The following CSMD1 variants were observed in gnomAD, a reference collection of about 807,000 sequenced individuals.
CSMD1 encodes CUB and sushi domain-containing protein 1.
Under a neutral mutation model 417.5 loss-of-function variants are expected in CSMD1, and 213 were observed. The observed-to-expected ratio is 0.51, with a 90% CI of 0.46 to 0.57. The LOEUF (loss-of-function observed/expected upper bound fraction) is 0.57. CSMD1 is among the 20% of genes least tolerant of loss of function. The pLI, the probability that CSMD1 is intolerant of heterozygous loss-of-function variation, is 0.00. For synonymous variants in CSMD1, 2,862 were observed against 1,736.8 expected (o/e 1.65, Z -16.11); for missense variants, 6,923 against 4,529.7 (o/e 1.53, Z -15.17).
chr8:2,966,723 T>C lies in CSMD1; in HGVS notation c.8947A>G (p.Thr2983Ala), dbSNP rs766971433. Residue 2983 changes from threonine (T) to alanine (A), a missense_variant, in exon 58 of 70, where the codon ACA becomes GCA. Transcript: ENST00000635120. ...CTGACAATCATTCCGTTGGTGGGTG[T>C]GCCAGGGTTGCCACAGGACACGGCT... is the stretch of plus-strand genomic sequence containing the variant. ...CEAVSCGNPG[T>A]PTNGMIVSSD... 6 of 1,613,478 alleles carry C rather than the reference T, an allele frequency of 3.7e-6. No individual in the cohort carries two copies. In the African/African-American group the frequency reaches 6.7e-5, roughly 18 times the overall value.
intron 1 of CSMD1, among the ~76,000 whole-genome samples, chr8:4,686,183 C>T (rs1322558555): frequency 6.6e-6 from 1 of 152,208 alleles, no homozygotes; most frequent in Non-Finnish European, 1.5e-5. Flanking sequence ...AAGGAACGTA[C>T]CCTTCTTTCA....
intron 2 of CSMD1, among the ~76,000 whole-genome samples, chr8:4,528,570 T>C (rs1162216206): frequency 2.6e-5 from 4 of 152,150 alleles, no homozygotes; most frequent in Non-Finnish European, 4.4e-5. Context: ...CTTATGTTAA[T>C]TATTTGTATC....
At chr8:4,079,076 G>T (rs1033800778) in intron 3 of CSMD1, among the ~76,000 whole-genome samples, 3 of 151,670 alleles carry the variant, frequency 2.0e-5, no homozygotes, top group African/African-American at 4.9e-5. Flanking sequence ...AACTTATACA[G>T]CTCATTACCA....
intron 5 of CSMD1, among the ~76,000 whole-genome samples, chr8:3,759,122 C>G (rs748202336): frequency 2.0e-5 from 3 of 152,160 alleles, no homozygotes; most frequent in African/African-American, 4.8e-5. Context: ...ATAATAAACA[C>G]GTGTTGGTTT....
At chr8:3,300,866 G>A (rs1563245270) in intron 25 of CSMD1, among the ~76,000 whole-genome samples, 1 of 149,084 alleles carries the variant, frequency 6.7e-6, no homozygotes. Flanking sequence ...CACTGAGGCA[G>A]GAGAATTGCT....
At chr8:4,459,072 C>G (rs1277983016) in intron 2 of CSMD1, among the ~76,000 whole-genome samples, 3 of 152,188 alleles carry the variant, frequency 2.0e-5, no homozygotes, top group African/African-American at 7.2e-5. Context: ...AAACTAGATT[C>G]TCTCTACCTG....
chr8:3,131,062 A>G (rs1486694133), intron 41 of CSMD1, among the ~76,000 whole-genome samples: 1 of 152,220 alleles, frequency 6.6e-6, no homozygotes, highest in Non-Finnish European at 1.5e-5. Flanking sequence ...GCATTCTGGG[A>G]AGTCTAATAA....
intron 36 of CSMD1, among the ~76,000 whole-genome samples, chr8:3,184,058 C>G (rs542728889): frequency 3.3e-5 from 5 of 152,278 alleles, no homozygotes; most frequent in African/African-American, 1.2e-4. Flanking sequence ...AAATTTCACA[C>G]TCCTTGATTT....
chr8:3,873,776 A>G (rs552317491), intron 5 of CSMD1, among the ~76,000 whole-genome samples: 5 of 152,334 alleles, frequency 3.3e-5, no homozygotes, highest in African/African-American at 1.2e-4. Context: ...GGCCTGAACC[A>G]ACGTAGCCCT....
intron 3 of CSMD1, among the ~76,000 whole-genome samples, chr8:4,128,844 G>C (rs376842424): frequency 2.0e-5 from 3 of 152,136 alleles, no homozygotes; most frequent in Non-Finnish European, 2.9e-5. Context: ...GTCATTATTG[G>C]TAAGTGTTAC....
intron 3 of CSMD1, among the ~76,000 whole-genome samples, chr8:4,237,862 G>A (rs533392780): frequency 6.6e-6 from 1 of 152,028 alleles, no homozygotes; most frequent in Non-Finnish European, 1.5e-5. Context: ...ATTTTTTTCT[G>A]GACAATGCCT....
intron 3 of CSMD1, among the ~76,000 whole-genome samples, chr8:4,356,913 A>T (rs1469974440): frequency 1.3e-5 from 2 of 152,186 alleles, no homozygotes; most frequent in Admixed American, 6.5e-5. Flanking sequence ...AATCTGAATA[A>T]ACATATTACT....
chr8:4,160,682 T>A (rs76530824), intron 3 of CSMD1, among the ~76,000 whole-genome samples: 88 of 152,360 alleles, frequency 5.8e-4, no homozygotes, highest in African/African-American at 1.9e-3. Context: ...CCACGCAATG[T>A]CCCACACTCC....
chr8:3,074,740 G>T (rs1287737067), intron 49 of CSMD1, among the ~76,000 whole-genome samples: 1 of 152,192 alleles, frequency 6.6e-6, no homozygotes, highest in Non-Finnish European at 1.5e-5. Context: ...ATATATTTTA[G>T]AATAGAATTT....
intron 1 of CSMD1, chr8:4,787,773 A>T (rs1224424563): frequency 2.5e-6 from 4 of 1,579,326 alleles, no homozygotes; most frequent in South Asian, 2.2e-5. Context: ...GCTTCGCTGG[A>T]CTTGTTACAG....
intron 5 of CSMD1, among the ~76,000 whole-genome samples, chr8:3,783,884 C>T (rs185625205): frequency 6.0e-5 from 9 of 148,846 alleles, no homozygotes; most frequent in South Asian, 2.2e-4. Flanking sequence ...GAACTAGACT[C>T]GGCCATGGTT....
chr8:4,413,469 G>A (rs1228897253), intron 3 of CSMD1, among the ~76,000 whole-genome samples: 1 of 152,268 alleles, frequency 6.6e-6, no homozygotes, highest in African/African-American at 2.4e-5. Flanking sequence ...TTGTCTTAAA[G>A]CTGTACTTTC....
In CSMD1 at chr8:3,732,260, A is replaced by T. The variant is rs556029088; in HGVS notation, c.931+21670T>A. On this transcript the variant is annotated intron_variant, in intron 6 of 69. Coordinates refer to ENST00000635120, the MANE Select transcript of CSMD1 (RefSeq NM_033225.6). The stretch of plus-strand genomic sequence containing the variant: ...CCACCCTGCAGGGCAATTACTCGAT[A>T]CAAAGCTGCCCTCTTTAGAAAGGCT... 1.6e-4 allele frequency among the ~76,000 whole-genome samples: 24 copies of T among 152,326 alleles called. No homozygotes were observed. In the South Asian group the frequency reaches 4.6e-3, roughly 29 times the overall value.
intron 2 of CSMD1, among the ~76,000 whole-genome samples, chr8:4,560,563 C>G (rs988792184): frequency 6.6e-6 from 1 of 152,176 alleles, no homozygotes; most frequent in African/African-American, 2.4e-5. Context: ...ACAGTGTGAG[C>G]TAAAACACTG....
Sources: allele counts gnomAD v4.1 joint callset (sites outside exome capture counted in the v4.1 genomes callset), GRCh38; gene constraint gnomAD v4.1.1; transcripts MANE v1.5; gene names NCBI Gene and HGNC (gene_info 2026-07-23, HGNC 2026-07-21).